The following COL19A1 variants were observed in gnomAD, a reference collection of about 807,000 sequenced individuals.
COL19A1 encodes collagen alpha-1(XIX) chain.
Under a neutral mutation model 190.2 loss-of-function variants are expected in COL19A1, and 159 were observed. The ratio of observed to expected loss-of-function variants is 0.84; its 90% CI spans 0.73 to 0.95. COL19A1 has a LOEUF of 0.95. Among genes scored for constraint, COL19A1 ranks in the 40% least tolerant of loss-of-function variants. The pLI is 0.00. For missense variants in COL19A1, 1,418 were observed against 1,431.9 expected, an observed-to-expected ratio of 0.99 and a Z score of 0.16; for synonymous variants, 509 against 458.9, an observed-to-expected ratio of 1.11 and a Z score of -1.39.
intron 34 of COL19A1, among the ~76,000 whole-genome samples, chr6:70,158,281 T>G (rs1227131190): frequency 6.6e-6 from 1 of 152,114 alleles, no homozygotes; most frequent in Non-Finnish European, 1.5e-5. Context: ...ATTTGTTGAT[T>G]TGTCAAAGTG....
chr6:69,886,262 A>T (rs1370729768), intron 2 of COL19A1, among the ~76,000 whole-genome samples: 3 of 152,246 alleles, frequency 2.0e-5, no homozygotes, highest in African/African-American at 2.4e-5. Flanking sequence ...AGGAAATGCA[A>T]ATTAAACCAC....
intron 36 of COL19A1, among the ~76,000 whole-genome samples, chr6:70,165,547 G>A (rs1765095268): frequency 6.6e-6 from 1 of 152,152 alleles, no homozygotes; most frequent in South Asian, 2.1e-4. Flanking sequence ...TGGTAGAAAT[G>A]AGGCTCAAAG....
In COL19A1 at chr6:69,896,260, G is replaced by A. The variant is rs940155601; in HGVS notation, c.92-2688G>A. On this transcript the variant is annotated intron_variant, in intron 2 of 50. Coordinates refer to ENST00000620364, the MANE Select transcript of COL19A1 (RefSeq NM_001858.6). ...TTTAGTAAATACTGCCAAACAGGCC[G>A]GGCGCGGTGGCTCACGCCTGTAATC... is the stretch of plus-strand genomic sequence containing the variant. 6.6e-4 allele frequency among the ~76,000 whole-genome samples: 100 copies of A among 152,032 alleles called. 1 individual carries two copies. The highest frequency in any genetic ancestry group is 5.8e-4 in the African/African-American group (24 of 41,364).
At chr6:70,156,513 G>A in intron 33 of COL19A1, 144 bp downstream of exon 33, 7 of 1,004,232 alleles carry the variant, frequency 7.0e-6, no homozygotes, top group South Asian at 1.6e-5. Flanking sequence ...GAGAGAGAGA[G>A]AAAGTGATGT....
At chr6:69,921,293 TATATATCATATATC>T (rs1249461722) in intron 4 of COL19A1, among the ~76,000 whole-genome samples, 118 of 131,270 alleles carry the variant, frequency 9.0e-4, no homozygotes, top group African/African-American at 3.3e-3. Flanking sequence ...TCATATATCA[TATATATCATATATC>T]ATATATCATA....
Position 69,975,496 on chromosome 6 carries a change from T to A in COL19A1, c.1026+12626T>A, listed in dbSNP as rs73482160. On this transcript the variant is annotated intron_variant, in intron 11 of 50. Transcript: ENST00000620364. ...GATTAGGCCTAGAATCACACATGTT[T>A]AGAGCTAGAGTGAATCTGAGAATAT... Among the ~76,000 whole-genome samples the A allele has an allele frequency of 8.2e-3, 1,247 of 152,322 alleles. 19 individuals carry two copies. Among genetic ancestry groups the A allele is most frequent in the African/African-American group, 0.026 (1,071 of 41,568 alleles).
At chr6:69,889,328 AGGAAAAAT>A (rs1367562622) in intron 2 of COL19A1, among the ~76,000 whole-genome samples, 3 of 152,242 alleles carry the variant, frequency 2.0e-5, no homozygotes, top group Admixed American at 1.3e-4. Flanking sequence ...AAACCAAAGC[AGGAAAAAT>A]GGACAAGTGA....
At chr6:69,999,264 G>C (rs761442965) in intron 11 of COL19A1, among the ~76,000 whole-genome samples, 1 of 150,106 alleles carries the variant, frequency 6.7e-6, no homozygotes, top group Non-Finnish European at 1.5e-5. Context: ...AGGTGTAGTG[G>C]CTCACGCCTG....
chr6:69,900,687 C>T (rs558178227), intron 4 of COL19A1, among the ~76,000 whole-genome samples: 14 of 152,068 alleles, frequency 9.2e-5, no homozygotes, highest in Non-Finnish European at 1.6e-4. Flanking sequence ...AGATTCAGAG[C>T]CAAAAGACTG....
intron 48 of COL19A1, 30 bp from the exon 49 acceptor site, chr6:70,199,578 G>T: frequency 7.1e-7 from 1 of 1,411,400 alleles, no homozygotes; most frequent in Non-Finnish European, 9.4e-7. Flanking sequence ...TCTGTTCTAT[G>T]ATATATTATT....
intron 46 of COL19A1, among the ~76,000 whole-genome samples, chr6:70,187,292 TG>T (rs1224403867): frequency 6.6e-6 from 1 of 152,050 alleles, no homozygotes; most frequent in Non-Finnish European, 1.5e-5. Context: ...CACCATCCCG[TG>T]GGTATATATT....
chr6:69,924,879 G>A (rs1391389444), intron 4 of COL19A1, among the ~76,000 whole-genome samples: 5 of 152,298 alleles, frequency 3.3e-5, no homozygotes, highest in East Asian at 1.9e-4. Flanking sequence ...CCGCATAAAT[G>A]TCTTCTTTTG....
chr6:70,122,541 G>A (rs969579640), intron 17 of COL19A1, among the ~76,000 whole-genome samples: 1 of 152,144 alleles, frequency 6.6e-6, no homozygotes, highest in African/African-American at 2.4e-5. Flanking sequence ...GAAGATCTAG[G>A]TGAGATCATT....
At position 70,137,577 on chromosome 6, in the gene COL19A1, G is replaced by A. The variant is rs1004834309; in HGVS notation, c.1384-108G>A. On this transcript the variant is annotated intron_variant, in intron 18 of 50. Coordinates refer to ENST00000620364, the MANE Select transcript of COL19A1 (RefSeq NM_001858.6). Reference sequence around the variant, plus strand: ...TTGCATTGTCTGTTGGATGCTAATAGATAAATTGTATAGTTAGCAGGAGAG... The same window carrying A: ...TTGCATTGTCTGTTGGATGCTAATAAATAAATTGTATAGTTAGCAGGAGAG... 9.9e-6 allele frequency: 10 copies of A among 1,007,632 alleles called. No homozygotes were observed. The African/African-American group carries it at 1.6e-4, about 16-fold the overall frequency. The allele number at this position is 1,007,632 out of a possible 1,614,324, so 62.4% of individuals were successfully genotyped here. A position where few individuals can be genotyped will look rare whatever the true frequency, so the allele number is the denominator to read the frequency against.
intron 9 of COL19A1, among the ~76,000 whole-genome samples, chr6:69,947,300 A>C (rs922592204): frequency 6.6e-6 from 1 of 151,926 alleles, no homozygotes; most frequent in African/African-American, 2.4e-5. Flanking sequence ...TGTAGGCTAT[A>C]GCTCATAAAA....
In COL19A1 at chr6:69,929,675, G is replaced by A. The variant is rs767935226; in HGVS notation, c.641G>A (p.Arg214Gln). 24 of 1,613,098 alleles carry A rather than the reference G, an allele frequency of 1.5e-5. No homozygotes were observed. The highest frequency in any genetic ancestry group is 1.7e-5 in the Non-Finnish European group (20 of 1,179,470). Reference protein sequence around the residue: ...DFHGRTVIATRASDGKPVDIE... With the variant: ...DFHGRTVIATQASDGKPVDIE... ...CATGGACGGACAGTTATTGCTACGC[G>A]AGCTTCAGATGGCAAGCCTGTGGAT... Residue 214 changes from arginine to glutamine, a missense_variant, in exon 6 of 51, where the codon CGA becomes CAA. Transcript: ENST00000620364.
intron 11 of COL19A1, among the ~76,000 whole-genome samples, chr6:69,977,443 A>G (rs1311155854): frequency 6.6e-6 from 1 of 151,600 alleles, no homozygotes; most frequent in Non-Finnish European, 1.5e-5. Context: ...GGGGGGAGCG[A>G]TAGCATTAGG....
chr6:70,134,389 G>A (rs1785709473), intron 18 of COL19A1, among the ~76,000 whole-genome samples: 1 of 152,062 alleles, frequency 6.6e-6, no homozygotes, highest in Non-Finnish European at 1.5e-5. Flanking sequence ...CAATACTTAC[G>A]TAGCTTCCTC....
chr6:69,904,828 A>C (rs553802235), intron 4 of COL19A1, among the ~76,000 whole-genome samples: 5 of 152,266 alleles, frequency 3.3e-5, no homozygotes, highest in Non-Finnish European at 7.4e-5. Context: ...GTTCTGCTAC[A>C]AGCTGTGCAC....
Sources: allele counts gnomAD v4.1 joint callset (sites outside exome capture counted in the v4.1 genomes callset), GRCh38; gene constraint gnomAD v4.1.1; transcripts MANE v1.5; gene names NCBI Gene and HGNC (gene_info 2026-07-23, HGNC 2026-07-21).